SALL4: variants seen among roughly 807,000 people sequenced by gnomAD.
SALL4 encodes sal-like protein 4.
SALL4 carries 4 observed loss-of-function variants against 60.8 expected under a neutral mutation model. The observed-to-expected ratio is 0.07, with a 90% CI of 0.03 to 0.15. The LOEUF (loss-of-function observed/expected upper bound fraction) is 0.15, where lower values mean the gene tolerates loss of function less well. Among genes scored for constraint, SALL4 ranks in the 10% least tolerant of loss-of-function variants. The pLI is 1.00. For missense variants in SALL4, 1,178 were observed against 1,394.7 expected (o/e 0.84, Z 2.48); for synonymous variants, 580 against 574.9 (o/e 1.01, Z -0.13).
intron 1 of SALL4, among the ~76,000 whole-genome samples, chr20:51,800,529 A>C (rs2078103254): frequency 6.6e-6 from 1 of 152,228 alleles, no homozygotes; most frequent in East Asian, 1.9e-4. Flanking sequence ...CCCTCCCGAA[A>C]GGTGCCAAAC....
At chr20:51,796,542 G>A (rs978909619) in intron 1 of SALL4, among the ~76,000 whole-genome samples, 3 of 152,164 alleles carry the variant, frequency 2.0e-5, no homozygotes, top group African/African-American at 7.2e-5. Flanking sequence ...TGTGGACCAG[G>A]GAAGCCAAAA....
chr20:51,793,103 A>G (rs1395184339), intron 1 of SALL4: 1 of 334,570 alleles, frequency 3.0e-6, no homozygotes, highest in Admixed American at 6.5e-5. Flanking sequence ...TGTGAGAAAT[A>G]TGCAGAATTT....
intron 1 of SALL4, chr20:51,797,557 A>C (rs1023958111): frequency 6.6e-6 from 1 of 152,098 alleles, no homozygotes. Context: ...CCAGGCCACC[A>C]CTGGTAAATA....
At chr20:51,798,120 A>C (rs6067940) in intron 1 of SALL4, among the ~76,000 whole-genome samples, 11,341 of 152,254 alleles carry the variant, frequency 0.074, 659 homozygotes, top group African/African-American at 0.15. Context: ...TAGCAGCTTA[A>C]TTTTAGCAGT....
At position 51,790,087 on chromosome 20, in the gene SALL4, T is replaced by TTGA; in HGVS notation, c.2393_2395dup (p.Ile798dup). ...GCTCCCAGCATCGGGAGACTTTGAC[T>TTGA]TGATGCTTTCGGCTTGACTATTGGC... On this transcript the variant is annotated inframe_insertion, in exon 2 of 4. Transcript: ENST00000217086. The surrounding 1 kb of genome is among the most constrained non-coding windows in gnomAD (Gnocchi z 5.5). 6.2e-7 allele frequency: 1 copy of TTGA among 1,614,198 alleles called. No homozygotes were observed. The highest frequency in any genetic ancestry group is 8.5e-7 in the Non-Finnish European group (1 of 1,180,038).
At position 51,791,335 on chromosome 20, in the gene SALL4, T is replaced by C. The variant is rs778174580; in HGVS notation, c.1148A>G (p.Lys383Arg). 5 of 1,614,018 alleles carry C rather than the reference T, an allele frequency of 3.1e-6. No homozygotes were observed. The Admixed American group carries it at 6.7e-5, about 22-fold the overall frequency. ...PKDEAALYKH[K>R]CKYCSKVFGT... ...AAAAACCTTGCTACAGTACTTACAC[T>C]TGTGCTTGTAGAGGGCCGCCTCGTC... Residue 383 changes from lysine to arginine, a missense_variant, in exon 2 of 4, where the codon AAG becomes AGG. Physicochemically the swap from Lys to Arg is conservative, Grantham distance 26. This residue lies in a region of SALL4 where 853 missense variants were observed against 1,036.8 expected (regional missense o/e 0.82). Coordinates refer to ENST00000217086, the MANE Select transcript of SALL4 (RefSeq NM_020436.5). The surrounding 1 kb of genome is among the most constrained non-coding windows in gnomAD (Gnocchi z 4.6).
At chr20:51,800,557 G>A (rs2078103422) in intron 1 of SALL4, among the ~76,000 whole-genome samples, 1 of 152,184 alleles carries the variant, frequency 6.6e-6, no homozygotes, top group South Asian at 2.1e-4. Flanking sequence ...AAAGCCCCAC[G>A]TGTGTGCGCC....
Position 51,790,537 on chromosome 20 carries a change from A to T in SALL4, c.1946T>A (p.Met649Lys), listed in dbSNP as rs1426741316. The T allele has an allele frequency of 6.2e-7, 1 of 1,614,046 alleles. No individual in the cohort carries two copies. Residue 649 changes from methionine (M) to lysine (K), a missense_variant, in exon 2 of 4, where the codon ATG becomes AAG. Coordinates refer to ENST00000217086, the MANE Select transcript of SALL4 (RefSeq NM_020436.5). This position sits in a 1 kb window ranked among gnomAD's most constrained non-coding sequence, Gnocchi z 5.5. ...GGGCGTGTTGGGAATCTGACCGCCC[A>T]TGTGCATCCGAATATGTTGCTGCAG... ...VMLQQHIRMH[M>K]GGQIPNTPLP...
chr20:51,795,891 C>T (rs1458705152), intron 1 of SALL4, among the ~76,000 whole-genome samples: 3 of 152,024 alleles, frequency 2.0e-5, no homozygotes, highest in Non-Finnish European at 2.9e-5. Flanking sequence ...GCTTTATAGC[C>T]TCCAGAAATA....
rs61737143 is a variant in SALL4 at position 51,790,353 on chromosome 20, C to A, written c.2130G>T (p.Thr710=). The A allele has an allele frequency of 1.2e-6, 2 of 1,614,050 alleles. No individual in the cohort carries two copies. The highest frequency in any genetic ancestry group is 1.7e-6 in the Non-Finnish European group (2 of 1,180,018). ...EAPSSSSKVP[T]PLPSIHSASP... The stretch of plus-strand genomic sequence containing the variant: ...ATGCCGAGTGGATGCTGGGAAGAGG[C>A]GTGGGGACCTTGGAGGAGCTGCTGG... The change falls in exon 2 of 4, where the codon ACG becomes ACT. Residue 710 remains threonine, a synonymous_variant. Transcript: ENST00000217086. The surrounding 1 kb of genome is among the most constrained non-coding windows in gnomAD (Gnocchi z 5.5).
rs2077971053 is a variant in SALL4 at position 51,783,909 on chromosome 20, A to C, written c.*356T>G. The C allele has an allele frequency of 2.6e-5, 8 of 310,558 alleles. No individual in the cohort carries two copies. Among genetic ancestry groups the C allele is most frequent in the Non-Finnish European group, 3.7e-5 (6 of 161,688 alleles). 19.2% of individuals were successfully genotyped at this position (310,558 alleles called of 1,614,324 possible). On this transcript the variant is annotated 3_prime_UTR_variant, in exon 4 of 4. Transcript: ENST00000217086. ...GTGGCACCTGCCTGTAATCCCAGCT[A>C]CTCTGGAGGCTAAGGCAGGAGAATC...
At chr20:51,786,238 C>T (rs1020222167) in intron 3 of SALL4, among the ~76,000 whole-genome samples, 9 of 150,198 alleles carry the variant, frequency 6.0e-5, no homozygotes, top group East Asian at 2.0e-4. Flanking sequence ...AGGCGCCCAC[C>T]GCCACCACGC....
chr20:51,788,323 T>TTGTGTGTGTG lies in SALL4; in HGVS notation c.2742+528_2742+537dup, dbSNP rs3030173. 1.4e-3 allele frequency among the ~76,000 whole-genome samples: 195 copies of TTGTGTGTGTG among 141,934 alleles called. 1 individual carries two copies. The highest frequency in any genetic ancestry group is 4.5e-3 in the African/African-American group (171 of 37,892). The allele number at this position is 141,934 out of a possible 152,430, so 93.1% of individuals were successfully genotyped here. ...GCATGCAACACCATGCCCAACTAATTTGTGTGTGTGTGTGTGTGTGTGTGT... is the reference window on the plus strand; with the variant it reads ...GCATGCAACACCATGCCCAACTAATTTGTGTGTGTGTGTGTGTGTGTGTGTGTGTGTGTGT... On this transcript the variant is annotated intron_variant, in intron 3 of 3. Transcript: ENST00000217086. This position sits in a 1 kb window ranked among gnomAD's most constrained non-coding sequence, Gnocchi z 4.1.
Position 51,784,423 on chromosome 20 carries a change from A to C in SALL4, c.3004T>G (p.Leu1002Val). The C allele has an allele frequency of 6.2e-7, 1 of 1,614,160 alleles. No individual in the cohort carries two copies. Among genetic ancestry groups the C allele is most frequent in the Non-Finnish European group, 8.5e-7 (1 of 1,180,034 alleles). Reference protein sequence around the residue: ...SGGVPTLPVSLGATSVVNNAT... With the variant: ...SGGVPTLPVSVGATSVVNNAT... ...TTATTCACAACGGAGGTGGCCCCCA[A>C]GGAAACCGGGAGGGTAGGAACCCCC... The change falls in exon 4 of 4, where the codon TTG (leucine) becomes GTG (valine). Residue 1002 changes from leucine (L) to valine (V), a missense_variant. Leu to Val is a conservative substitution (Grantham distance 32, BLOSUM62 1). This residue lies in a region of SALL4 where 174 missense variants were observed against 169.6 expected (regional missense o/e 1.03). Transcript: ENST00000217086.
In SALL4 at chr20:51,783,541, A is replaced by C. The variant is rs6021435; in HGVS notation, c.*724T>G. 0.35 allele frequency: 53,240 copies of C among 151,972 alleles called. 10,682 individuals carry two copies. The highest frequency in any genetic ancestry group is 0.56 in the African/African-American group (22,942 of 41,314). The allele number at this position is 151,972 out of a possible 1,614,324, so 9.4% of individuals were successfully genotyped here. On this transcript the variant is annotated 3_prime_UTR_variant, in exon 4 of 4. Coordinates refer to ENST00000217086, the MANE Select transcript of SALL4 (RefSeq NM_020436.5). Reference sequence around the variant, plus strand: ...AGTTACCAGTAAGTATACAGTACCCATCTCCCCTCAATGAGGCTGTGTAGT... The same window carrying C: ...AGTTACCAGTAAGTATACAGTACCCCTCTCCCCTCAATGAGGCTGTGTAGT...
In SALL4 at chr20:51,788,677, G is replaced by T. The variant is rs183861797; in HGVS notation, c.2742+184C>A. ...GGCGCCACTGCACTCCAGTCTGGGC[G>T]ACAGAGTGAGACTCCGTCTCAAAAA... On this transcript the variant is annotated intron_variant, in intron 3 of 3. Transcript: ENST00000217086. The surrounding 1 kb of genome is among the most constrained non-coding windows in gnomAD (Gnocchi z 4.1). 6.6e-6 allele frequency among the ~76,000 whole-genome samples: 1 copy of T among 152,014 alleles called. No individual in the cohort carries two copies. The highest frequency in any genetic ancestry group is 2.1e-4 in the South Asian group (1 of 4,824).
chr20:51,783,840 G>T lies in SALL4; in HGVS notation c.*425C>A. The T allele has an allele frequency of 4.3e-6, 1 of 231,116 alleles. No individual in the cohort carries two copies. The highest frequency in any genetic ancestry group is 8.6e-6 in the Non-Finnish European group (1 of 116,538). 14.3% of individuals were successfully genotyped at this position (231,116 alleles called of 1,614,324 possible). On this transcript the variant is annotated 3_prime_UTR_variant, in exon 4 of 4. Coordinates refer to ENST00000217086, the MANE Select transcript of SALL4 (RefSeq NM_020436.5). ...GTTCGAGACCAGCCTGACCAACATG[G>T]TGAAACCCAGTCTCTACTCAAAATA... is the stretch of plus-strand genomic sequence containing the variant.
intron 1 of SALL4, among the ~76,000 whole-genome samples, chr20:51,798,594 G>A (rs2078092575): frequency 6.6e-6 from 1 of 152,062 alleles, no homozygotes; most frequent in Non-Finnish European, 1.5e-5. Flanking sequence ...GACAACTTCT[G>A]GAACTCTTTT....
At chr20:51,793,710 T>G (rs1448795429) in intron 1 of SALL4, among the ~76,000 whole-genome samples, 1 of 152,224 alleles carries the variant, frequency 6.6e-6, no homozygotes, top group Non-Finnish European at 1.5e-5. Context: ...ATTACAGGCA[T>G]GAGCCACCGT....
Sources: allele counts gnomAD v4.1 joint callset (sites outside exome capture counted in the v4.1 genomes callset), GRCh38; gene constraint gnomAD v4.1.1; regional missense constraint gnomAD v4.1.1; non-coding constraint Gnocchi (gnomAD v3.1); transcripts MANE v1.5; gene names NCBI Gene and HGNC (gene_info 2026-07-23, HGNC 2026-07-21).